The following ITGB5 variants were observed in gnomAD, a reference collection of about 807,000 sequenced individuals.
ITGB5 encodes integrin subunit beta 5, also known as integrin beta-5.
In ITGB5, 38 loss-of-function variants were observed where a neutral mutation model predicts 84.8. The ratio of observed to expected loss-of-function variants is 0.45; its 90% CI spans 0.35 to 0.59. The LOEUF (loss-of-function observed/expected upper bound fraction) is 0.59, where lower values mean the gene tolerates loss of function less well. Ranked by LOEUF, ITGB5 falls within the 20% of genes least tolerant of loss-of-function variation. The pLI is 0.01. For missense variants in ITGB5, 905 were observed against 1,034.5 expected (o/e 0.87, Z 1.72); for synonymous variants, 393 against 414.4 (o/e 0.95, Z 0.63).
intron 10 of ITGB5, among the ~76,000 whole-genome samples, chr3:124,783,462 G>A (rs969710275): frequency 2.6e-5 from 4 of 152,060 alleles, no homozygotes; most frequent in South Asian, 2.1e-4. Context: ...AAACCCACAC[G>A]CAATCAAAGC....
At chr3:124,815,261 C>A (rs551157493) in intron 8 of ITGB5, among the ~76,000 whole-genome samples, 17 of 152,322 alleles carry the variant, frequency 1.1e-4, no homozygotes, top group Middle Eastern at 6.8e-3. Flanking sequence ...GGCTGCCCAG[C>A]CAGGTCTATG....
intron 10 of ITGB5, among the ~76,000 whole-genome samples, chr3:124,774,812 A>G (rs2063899467): frequency 6.6e-6 from 1 of 152,190 alleles, no homozygotes; most frequent in Non-Finnish European, 1.5e-5. Flanking sequence ...AGCAGCTAAC[A>G]CTCACCAGTG....
At chr3:124,820,838 C>T (rs2064690182) in intron 6 of ITGB5, among the ~76,000 whole-genome samples, 1 of 151,982 alleles carries the variant, frequency 6.6e-6, no homozygotes, top group Admixed American at 6.6e-5. Context: ...GTCCTTGGGA[C>T]CTCTCATTCC....
chr3:124,897,663 GA>G (rs1373915584), intron 1 of ITGB5, among the ~76,000 whole-genome samples: 1 of 152,168 alleles, frequency 6.6e-6, no homozygotes, highest in South Asian at 2.1e-4. Flanking sequence ...ACAAAATAAA[GA>G]AAAATTTTTT....
intron 2 of ITGB5, among the ~76,000 whole-genome samples, chr3:124,864,495 AG>A (rs2065357254): frequency 6.6e-6 from 1 of 152,178 alleles, no homozygotes; most frequent in Non-Finnish European, 1.5e-5. Context: ...CTGATGTTTA[AG>A]AAAATCCTCC....
At chr3:124,891,516 G>A (rs1935000842), upstream of ITGB5, among the ~76,000 whole-genome samples, 1 of 144,104 alleles carries the variant, frequency 6.9e-6, no homozygotes, top group South Asian at 2.2e-4. Context: ...TGAGGAGACA[G>A]AATCATTTGA....
chr3:124,803,890 C>G (rs2064354944), intron 9 of ITGB5, among the ~76,000 whole-genome samples: 1 of 152,218 alleles, frequency 6.6e-6, no homozygotes, highest in South Asian at 2.1e-4. Flanking sequence ...GTCGACACTT[C>G]AGGCTATGTA....
intron 10 of ITGB5, among the ~76,000 whole-genome samples, chr3:124,779,971 C>G (rs1180588093): frequency 2.6e-5 from 4 of 152,194 alleles, no homozygotes; most frequent in Admixed American, 2.0e-4. Context: ...ACACCCAGAG[C>G]CTGAGGGAGC....
chr3:124,857,401 A>T (rs1210037456), intron 3 of ITGB5: 2 of 152,226 alleles, frequency 1.3e-5, no homozygotes, highest in African/African-American at 4.8e-5. Flanking sequence ...TGAGGAACAA[A>T]GGTGACAAAG....
chr3:124,773,538 G>A (rs553639723), intron 11 of ITGB5, 152 bp downstream of exon 11: 45 of 646,740 alleles, frequency 7.0e-5, no homozygotes, highest in African/African-American at 1.1e-4. Flanking sequence ...TTTCAGTTAC[G>A]GTTGGTAAGA....
chr3:124,860,685 A>C (rs1049587777), intron 2 of ITGB5, among the ~76,000 whole-genome samples: 1 of 152,232 alleles, frequency 6.6e-6, no homozygotes, highest in Non-Finnish European at 1.5e-5. Flanking sequence ...CTGGAAGCCA[A>C]TGCTGTCCTA....
At position 124,882,132 on chromosome 3, in the gene ITGB5, G is replaced by A. The variant is rs891082293; in HGVS notation, c.70+4799C>T. 5.9e-5 allele frequency among the ~76,000 whole-genome samples: 9 copies of A among 152,280 alleles called. No homozygotes were observed. In the East Asian group the frequency reaches 1.7e-3, roughly 29 times the overall value. On this transcript the variant is annotated intron_variant, in intron 1 of 14. Coordinates refer to ENST00000296181, the MANE Select transcript of ITGB5 (RefSeq NM_002213.5). ...TCACCTCCCAATTACCAAGATTCAG[G>A]TTCATCCATTATTCATTCAACAAAT...
intron 10 of ITGB5, among the ~76,000 whole-genome samples, chr3:124,774,669 T>C (rs2063896893): frequency 6.6e-6 from 1 of 152,204 alleles, no homozygotes; most frequent in Admixed American, 6.5e-5. Context: ...TCTGCGGTCA[T>C]CTGTTACAGC....
intron 10 of ITGB5, chr3:124,781,284 A>C (rs1206054614): frequency 6.6e-6 from 1 of 151,958 alleles, no homozygotes; most frequent in African/African-American, 2.4e-5. Flanking sequence ...TCCTGGGGGG[A>C]AATCCCTCCT....
intron 5 of ITGB5, among the ~76,000 whole-genome samples, chr3:124,831,668 G>A (rs1031274185): frequency 6.6e-6 from 1 of 152,196 alleles, no homozygotes; most frequent in Non-Finnish European, 1.5e-5. Context: ...CCCAGAGACT[G>A]TAGCTTTAAA....
rs146449878 is a variant in ITGB5 at position 124,852,508 on chromosome 3, G to A, written c.362-3950C>T. Among the ~76,000 whole-genome samples, 17 of 152,018 alleles carry A rather than the reference G, an allele frequency of 1.1e-4. No homozygotes were observed. The East Asian group carries it at 3.3e-3, about 29-fold the overall frequency. On this transcript the variant is annotated intron_variant, in intron 3 of 14. Coordinates refer to ENST00000296181, the MANE Select transcript of ITGB5 (RefSeq NM_002213.5). ...TTGCACAGAATTTCTGCACTGCTCA[G>A]TTTGTAAGTACAGGTTCTTCCACTG... is the stretch of plus-strand genomic sequence containing the variant.
At chr3:124,811,900 G>A (rs2064509373) in intron 8 of ITGB5, among the ~76,000 whole-genome samples, 1 of 151,988 alleles carries the variant, frequency 6.6e-6, no homozygotes, top group African/African-American at 2.4e-5. Flanking sequence ...CCCACCCCAG[G>A]GCTCTTTCTA....
rs781752274 is a variant in ITGB5, at chr3:124,809,140, A to T, written c.1145T>A (p.Val382Glu). ...AGGCTGATCCCAGACTGACAACTCC[A>T]CTTTAGACCGGATACTCTGAATGGA... ...INAYNSIRSK[V>E]ELSVWDQPED... The change falls in exon 9 of 15, where the codon GTG (valine) becomes GAG (glutamate). Residue 382 changes from valine to glutamate, a missense_variant. By Grantham distance (121) the Val-to-Glu change is moderately radical. Transcript: ENST00000296181. 2 of 1,614,020 alleles carry T rather than the reference A, an allele frequency of 1.2e-6. No individual in the cohort carries two copies. Among genetic ancestry groups the T allele is most frequent in the Admixed American group, 1.7e-5 (1 of 60,000 alleles).
chr3:124,853,797 T>C (rs890758264), intron 3 of ITGB5, among the ~76,000 whole-genome samples: 2 of 152,310 alleles, frequency 1.3e-5, no homozygotes, highest in East Asian at 1.9e-4. Flanking sequence ...GATGCTATCA[T>C]TGAGGACAGC....
Sources: gnomAD v4.1 joint callset for allele counts (sites outside exome capture counted in the v4.1 genomes callset) on GRCh38, gnomAD v4.1.1 for gene constraint, MANE v1.5 for transcripts, NCBI Gene and HGNC (gene_info 2026-07-23, HGNC 2026-07-21) for gene names.